The following SLC35D4 variants were observed in gnomAD, a reference collection of about 807,000 sequenced individuals.
SLC35D4 encodes solute carrier family 35 member D4.
At chr18:23,323,537 T>G in the SLC35D4 span, among the ~76,000 whole-genome samples, 1 of 152,196 alleles carries the variant, frequency 6.6e-6, no homozygotes, top group Non-Finnish European at 1.5e-5. Context: ...ACACTCAGTT[T>G]TACATGACCA....
At chr18:23,241,169 A>G in the SLC35D4 span, among the ~76,000 whole-genome samples, 1 of 152,150 alleles carries the variant, frequency 6.6e-6, no homozygotes, top group Non-Finnish European at 1.5e-5. Flanking sequence ...ATCTTCCTTC[A>G]TACAACTTAA....
At chr18:23,368,961 C>A in the SLC35D4 span, among the ~76,000 whole-genome samples, 1 of 152,220 alleles carries the variant, frequency 6.6e-6, no homozygotes, top group Non-Finnish European at 1.5e-5. Flanking sequence ...CTGTTTCCCA[C>A]ATGTACATTT....
the SLC35D4 span, chr18:23,259,856 T>A: frequency 6.6e-6 from 1 of 152,300 alleles, no homozygotes; most frequent in Non-Finnish European, 1.5e-5. Flanking sequence ...CAGCCCCTTG[T>A]AAGCCCTGCC....
the SLC35D4 span, among the ~76,000 whole-genome samples, chr18:23,364,723 T>G: frequency 6.6e-6 from 1 of 151,582 alleles, no homozygotes; most frequent in Non-Finnish European, 1.5e-5. Context: ...GCTAACATGG[T>G]GAAACCCCAT....
At chr18:23,298,664 T>G in the SLC35D4 span, among the ~76,000 whole-genome samples, 12 of 152,292 alleles carry the variant, frequency 7.9e-5, no homozygotes, top group Non-Finnish European at 1.5e-4. Flanking sequence ...ATGCCTCTAA[T>G]GTAATACAGC....
the SLC35D4 span, among the ~76,000 whole-genome samples, chr18:23,405,675 C>T: frequency 8.5e-5 from 13 of 152,266 alleles, 1 homozygote; most frequent in South Asian, 2.5e-3. Flanking sequence ...AATAAGTAGA[C>T]TGTAGTAGTC....
At chr18:23,368,283 GGTC>G in the SLC35D4 span, among the ~76,000 whole-genome samples, 1 of 152,166 alleles carries the variant, frequency 6.6e-6, no homozygotes, top group Non-Finnish European at 1.5e-5. Flanking sequence ...GAGTCTGCAA[GGTC>G]CTCTCCACCT....
the SLC35D4 span, among the ~76,000 whole-genome samples, chr18:23,408,547 T>G: frequency 6.6e-6 from 1 of 152,222 alleles, no homozygotes; most frequent in Non-Finnish European, 1.5e-5. Context: ...ACAGAATTGC[T>G]GGTGTTGACA....
At chr18:23,305,574 G>A in the SLC35D4 span, among the ~76,000 whole-genome samples, 1 of 152,204 alleles carries the variant, frequency 6.6e-6, no homozygotes, top group Non-Finnish European at 1.5e-5. Context: ...TGTAAGAAAT[G>A]TCTGAGGCAC....
the SLC35D4 span, among the ~76,000 whole-genome samples, chr18:23,285,581 CTG>C: frequency 6.6e-6 from 1 of 152,182 alleles, no homozygotes; most frequent in Non-Finnish European, 1.5e-5. Flanking sequence ...TCCCTAGTCT[CTG>C]TTCCCAATGC....
the SLC35D4 span, among the ~76,000 whole-genome samples, chr18:23,335,017 A>C: frequency 2.6e-5 from 4 of 151,594 alleles, no homozygotes; most frequent in African/African-American, 7.3e-5. Context: ...AAAAAAAAAG[A>C]AAGCAAGCAA....
At chr18:23,354,519 C>CAA in the SLC35D4 span, among the ~76,000 whole-genome samples, 123 of 104,172 alleles carry the variant, frequency 1.2e-3, 2 homozygotes, top group East Asian at 2.3e-3. Flanking sequence ...GATTCCGTCT[C>CAA]AAAAAAAAAA....
the SLC35D4 span, chr18:23,373,797 C>T: frequency 3.2e-4 from 521 of 1,606,868 alleles, no homozygotes; most frequent in Middle Eastern, 1.5e-3. Flanking sequence ...TGCAGCTTCA[C>T]CTTTCAACAT....
At chr18:23,408,179 A>C in the SLC35D4 span, among the ~76,000 whole-genome samples, 288 of 91,510 alleles carry the variant, frequency 3.1e-3, no homozygotes, top group Non-Finnish European at 3.8e-3. Flanking sequence ...ACACACACAC[A>C]CCCCTAACCT....
the SLC35D4 span, among the ~76,000 whole-genome samples, chr18:23,265,028 CA>C: frequency 0.049 from 7,390 of 152,260 alleles, 595 homozygotes; most frequent in African/African-American, 0.17. Context: ...GATCCACCCC[CA>C]TGACCCAAAC....
chr18:23,250,342 G>A, the SLC35D4 span, among the ~76,000 whole-genome samples: 788 of 152,188 alleles, frequency 5.2e-3, 3 homozygotes, highest in Non-Finnish European at 7.2e-3. Context: ...TGCCTGGATT[G>A]GGGGGTGAGG....
chr18:23,337,474 C>CAA, the SLC35D4 span, among the ~76,000 whole-genome samples: 3 of 108,440 alleles, frequency 2.8e-5, no homozygotes, highest in Non-Finnish European at 5.8e-5. Context: ...GACTCCGTCT[C>CAA]AAAAAAAAAA....
At chr18:23,364,699 T>C in the SLC35D4 span, among the ~76,000 whole-genome samples, 2 of 151,972 alleles carry the variant, frequency 1.3e-5, no homozygotes, top group Non-Finnish European at 2.9e-5. Context: ...GGTCAGGAGA[T>C]CGAGACCATC....
At chr18:23,423,642 T>C in the SLC35D4 span, among the ~76,000 whole-genome samples, 1 of 152,150 alleles carries the variant, frequency 6.6e-6, no homozygotes, top group African/African-American at 2.4e-5. Context: ...AGAAACTGTG[T>C]GAAGCCCTAA....
Sources: gnomAD v4.1 joint callset for allele counts (sites outside exome capture counted in the v4.1 genomes callset) on GRCh38, gnomAD v4.1.1 for gene constraint, MANE v1.5 for transcripts, NCBI Gene and HGNC (gene_info 2026-07-23, HGNC 2026-07-21) for gene names.